Variants in PTCD2 observed in about 807,000 individuals in gnomAD.
PTCD2 encodes the protein pentatricopeptide repeat-containing protein 2, mitochondrial.
In PTCD2, 31 loss-of-function variants were observed where a neutral mutation model predicts 42.6. The ratio of observed to expected loss-of-function variants is 0.73; its 90% CI spans 0.55 to 0.98. The LOEUF is 0.98. Ranked by LOEUF, PTCD2 falls within the 50% of genes least tolerant of loss-of-function variation. The probability of loss-of-function intolerance (pLI) is 0.00; values close to 1 mark genes in which losing one functional copy is unlikely to be tolerated. For missense variants in PTCD2, 476 were observed against 454.8 expected (o/e 1.05, Z -0.42); for synonymous variants, 183 against 170.9 (o/e 1.07, Z -0.55).
At position 72,363,788 on chromosome 5, in the gene PTCD2, T is replaced by G. The variant is rs1045404093; in HGVS notation, c.*5361T>G. The G allele has an allele frequency of 2.0e-5, 3 of 152,250 alleles. No individual in the cohort carries two copies. The highest frequency in any genetic ancestry group is 2.9e-5 in the Non-Finnish European group (2 of 68,046). 9.4% of individuals were successfully genotyped at this position (152,250 alleles called of 1,614,324 possible). On this transcript the variant is annotated 3_prime_UTR_variant, in exon 10 of 10. Transcript: ENST00000380639. ...ACATTGAAAAATATATCCATTTATTTTTTCAAATATACATAAAGAAATCCA... is the reference window on the plus strand; with the variant it reads ...ACATTGAAAAATATATCCATTTATTGTTTCAAATATACATAAAGAAATCCA...
At position 72,366,602 on chromosome 5, in the gene PTCD2, A is replaced by C. The variant is rs1311238875; in HGVS notation, c.*8175A>C. 2 of 152,268 alleles carry C rather than the reference A, an allele frequency of 1.3e-5. No individual in the cohort carries two copies. The highest frequency in any genetic ancestry group is 4.8e-5 in the African/African-American group (2 of 41,470). 9.4% of individuals were successfully genotyped at this position (152,268 alleles called of 1,614,324 possible). A position where few individuals can be genotyped will look rare whatever the true frequency, so the allele number is the denominator to read the frequency against. On this transcript the variant is annotated 3_prime_UTR_variant, in exon 10 of 10. Transcript: ENST00000380639. ...CTATTTTTAAAAGGTGCTAGTTTTCAAAAGCATTTCTGGAATTCAGAGAGA... is the reference window on the plus strand; with the variant it reads ...CTATTTTTAAAAGGTGCTAGTTTTCCAAAGCATTTCTGGAATTCAGAGAGA...
Position 72,328,796 on chromosome 5 carries a change from A to C in PTCD2, c.350+2055A>C, listed in dbSNP as rs574994714. ...TATTATATGTTAGGTATTTTCATCA[A>C]CTATGCCCATATTGTTGGACATTGA... is the stretch of plus-strand genomic sequence containing the variant. On this transcript the variant is annotated intron_variant, in intron 3 of 9. Transcript: ENST00000380639. Among the ~76,000 whole-genome samples the C allele has an allele frequency of 3.3e-5, 5 of 152,306 alleles. No individual in the cohort carries two copies. In the South Asian group the frequency reaches 8.3e-4, roughly 25 times the overall value.
Position 72,367,073 on chromosome 5 carries a change from A to T in PTCD2, c.*8646A>T, listed in dbSNP as rs1336803396. 6.6e-6 allele frequency: 1 copy of T among 152,238 alleles called. No homozygotes were observed. The highest frequency in any genetic ancestry group is 1.5e-5 in the Non-Finnish European group (1 of 68,050). The allele number at this position is 152,238 out of a possible 1,614,324, so 9.4% of individuals were successfully genotyped here. ...TCTCTCTACCCTTCCAGATTCATCA[A>T]ATGATAGTCAACCTTACTGTCTCTT... On this transcript the variant is annotated 3_prime_UTR_variant, in exon 10 of 10. Coordinates refer to ENST00000380639, the MANE Select transcript of PTCD2 (RefSeq NM_024754.5).
At chr5:72,325,841 C>T (rs562386533) in intron 2 of PTCD2, among the ~76,000 whole-genome samples, 4 of 152,286 alleles carry the variant, frequency 2.6e-5, no homozygotes, top group African/African-American at 4.8e-5. Context: ...CTTTTCACCC[C>T]GCATTTTGGT....
At position 72,358,475 on chromosome 5, in the gene PTCD2, G is replaced by T. The variant is rs1188364467; in HGVS notation, c.*48G>T. ...GATCTGAGGGGCCTGCTTCTAGTGA[G>T]TTATTACCTTTCCTAAGAAGCCAGG... On this transcript the variant is annotated 3_prime_UTR_variant, in exon 10 of 10. Coordinates refer to ENST00000380639, the MANE Select transcript of PTCD2 (RefSeq NM_024754.5). 7.3e-7 allele frequency: 1 copy of T among 1,377,070 alleles called. No individual in the cohort carries two copies. The highest frequency in any genetic ancestry group is 1.4e-5 in the African/African-American group (1 of 69,918). 85.3% of individuals were successfully genotyped at this position (1,377,070 alleles called of 1,614,324 possible). A position where few individuals can be genotyped will look rare whatever the true frequency, so the allele number is the denominator to read the frequency against.
rs547573351 is a variant in PTCD2, at chr5:72,338,074, G to A, written c.640-548G>A. On this transcript the variant is annotated intron_variant, in intron 6 of 9. Coordinates refer to ENST00000380639, the MANE Select transcript of PTCD2 (RefSeq NM_024754.5). The stretch of plus-strand genomic sequence containing the variant: ...CCCCTGCAGCATGCACAAAGGAAGA[G>A]GATTTGGTTTTACCACTGCTGTTTT... 2.6e-5 allele frequency among the ~76,000 whole-genome samples: 4 copies of A among 152,294 alleles called. No homozygotes were observed. The South Asian group carries it at 8.3e-4, about 32-fold the overall frequency.
At chr5:72,357,377 TCTC>T (rs1005209900) in intron 9 of PTCD2, among the ~76,000 whole-genome samples, 7 of 152,116 alleles carry the variant, frequency 4.6e-5, no homozygotes, top group African/African-American at 1.4e-4. Flanking sequence ...TAAGTGTACT[TCTC>T]CTTCTTTTCT....
chr5:72,340,523 G>T (rs1003634593), intron 7 of PTCD2, among the ~76,000 whole-genome samples: 1 of 152,008 alleles, frequency 6.6e-6, no homozygotes, highest in African/African-American at 2.4e-5. Context: ...TTTACACTCT[G>T]TACTATAGCC....
chr5:72,335,952 T>C, intron 6 of PTCD2, 67 bp downstream of exon 6: 2 of 851,072 alleles, frequency 2.3e-6, no homozygotes, highest in Non-Finnish European at 1.9e-6. Flanking sequence ...TTTTCTTCTC[T>C]CTACAAATAA....
intron 2 of PTCD2, among the ~76,000 whole-genome samples, chr5:72,326,258 G>T (rs1020305865): frequency 6.6e-6 from 1 of 152,210 alleles, no homozygotes; most frequent in Non-Finnish European, 1.5e-5. Flanking sequence ...GTCACCTAGA[G>T]ATTCAGTTAT....
At chr5:72,357,404 T>C (rs1752928965) in intron 9 of PTCD2, among the ~76,000 whole-genome samples, 1 of 152,222 alleles carries the variant, frequency 6.6e-6, no homozygotes. Context: ...CCTTTCCCAA[T>C]CTCAACTACC....
At chr5:72,332,469 AG>A (rs1751492562) in intron 4 of PTCD2, among the ~76,000 whole-genome samples, 1 of 152,192 alleles carries the variant, frequency 6.6e-6, no homozygotes, top group Non-Finnish European at 1.5e-5. Flanking sequence ...CTTTATCTTT[AG>A]GGGGTAGAAT....
At chr5:72,344,186 G>C (rs1752229444) in intron 8 of PTCD2, among the ~76,000 whole-genome samples, 1 of 152,064 alleles carries the variant, frequency 6.6e-6, no homozygotes, top group South Asian at 2.1e-4. Context: ...TTATTTGTTG[G>C]GATATTGGTT....
At chr5:72,335,225 G>A (rs1193798242) in intron 5 of PTCD2, 129 bp downstream of exon 5, 2 of 545,790 alleles carry the variant, frequency 3.7e-6, no homozygotes, top group Non-Finnish European at 6.7e-6. Flanking sequence ...TGAGGCGGGT[G>A]GATCATGAGG....
At chr5:72,355,689 AT>A (rs1317553661) in intron 9 of PTCD2, among the ~76,000 whole-genome samples, 2 of 152,210 alleles carry the variant, frequency 1.3e-5, no homozygotes, top group Admixed American at 1.3e-4. Context: ...AGATGTAGTA[AT>A]TTGTGTATCT....
rs1352103116 is a variant in PTCD2 at position 72,320,409 on chromosome 5, A to T, written c.27A>T (p.Ala9=). The T allele has an allele frequency of 2.5e-6, 4 of 1,614,066 alleles. No homozygotes were observed. The South Asian group carries it at 3.3e-5, about 13-fold the overall frequency. MVRDSMAA[A]FRPSNRVLLQ... ...TGGTCCGAGACAGTATGGCTGCTGCATTTCGGCCCTCGAATCGAGTTCTCC... is the reference window on the plus strand; with the variant it reads ...TGGTCCGAGACAGTATGGCTGCTGCTTTTCGGCCCTCGAATCGAGTTCTCC... The change falls in exon 1 of 10, where the codon GCA becomes GCT. Residue 9 remains alanine (A), a synonymous_variant. Coordinates refer to ENST00000380639, the MANE Select transcript of PTCD2 (RefSeq NM_024754.5).
intron 1 of PTCD2, 81 bp from the exon 2 acceptor site, chr5:72,322,091 G>A: frequency 2.8e-6 from 2 of 726,560 alleles, no homozygotes; most frequent in South Asian, 3.0e-5. Context: ...GATGTTAGAG[G>A]TAATCCAGCT....
At position 72,361,026 on chromosome 5, in the gene PTCD2, A is replaced by G. The variant is rs1483822531; in HGVS notation, c.*2599A>G. On this transcript the variant is annotated 3_prime_UTR_variant, in exon 10 of 10. Coordinates refer to ENST00000380639, the MANE Select transcript of PTCD2 (RefSeq NM_024754.5). Reference sequence around the variant, plus strand: ...ATGAAAATATTTGATTGGACAGAACATCTTATTCCTTAACTCTGTTATGTG... The same window carrying G: ...ATGAAAATATTTGATTGGACAGAACGTCTTATTCCTTAACTCTGTTATGTG... The G allele has an allele frequency of 1.3e-5, 2 of 152,160 alleles. No individual in the cohort carries two copies. The highest frequency in any genetic ancestry group is 4.1e-4 in the South Asian group (2 of 4,824). The allele number at this position is 152,160 out of a possible 1,614,324, so 9.4% of individuals were successfully genotyped here.
intron 5 of PTCD2, chr5:72,335,588 AT>A: frequency 2.2e-6 from 1 of 449,630 alleles, no homozygotes; most frequent in Admixed American, 3.9e-5. Context: ...TTATGCTAAA[AT>A]TGTGAAGCAG....
Sources: allele counts gnomAD v4.1 joint callset (sites outside exome capture counted in the v4.1 genomes callset), GRCh38; gene constraint gnomAD v4.1.1; transcripts MANE v1.5; gene names NCBI Gene and HGNC (gene_info 2026-07-23, HGNC 2026-07-21).